PACS1: variants seen among roughly 807,000 people sequenced by gnomAD.
The protein encoded by PACS1 is PACS-1.
Under a neutral mutation model 115.0 loss-of-function variants are expected in PACS1, and 24 were observed. The ratio of observed to expected loss-of-function variants is 0.21; its 90% CI spans 0.15 to 0.29. The LOEUF (loss-of-function observed/expected upper bound fraction) is 0.29, where lower values mean the gene tolerates loss of function less well. Ranked by LOEUF, PACS1 falls within the 10% of genes least tolerant of loss-of-function variation. PACS1 has a pLI of 1.00. For missense variants in PACS1, 838 were observed against 1,251.2 expected, an observed-to-expected ratio of 0.67 and a Z score of 4.98; for synonymous variants, 453 against 504.5, an observed-to-expected ratio of 0.90 and a Z score of 1.37.
intron 1 of PACS1, among the ~76,000 whole-genome samples, chr11:66,156,744 C>T (rs1859371616): frequency 1.3e-5 from 2 of 151,780 alleles, no homozygotes; most frequent in Non-Finnish European, 2.9e-5. Flanking sequence ...ATCCCAGCTA[C>T]TCGGGAGGCT....
intron 1 of PACS1, among the ~76,000 whole-genome samples, chr11:66,185,764 G>T (rs1854349011): frequency 6.6e-6 from 1 of 152,110 alleles, no homozygotes; most frequent in African/African-American, 2.4e-5. Context: ...TGAGACCCAG[G>T]GTTTCCTGAT....
At chr11:66,214,753 C>T (rs1415369328) in intron 4 of PACS1, among the ~76,000 whole-genome samples, 2 of 151,524 alleles carry the variant, frequency 1.3e-5, no homozygotes, top group Admixed American at 6.6e-5. Context: ...TCCTGAGTAG[C>T]TGCAACTACA....
intron 1 of PACS1, among the ~76,000 whole-genome samples, chr11:66,093,429 A>C (rs1168138069): frequency 6.8e-6 from 1 of 146,674 alleles, no homozygotes; most frequent in Non-Finnish European, 1.5e-5. Flanking sequence ...TAAACCAACA[A>C]AGATCAAAAG....
chr11:66,187,229 G>A (rs892128282), intron 1 of PACS1, among the ~76,000 whole-genome samples: 5 of 152,000 alleles, frequency 3.3e-5, no homozygotes, highest in South Asian at 2.1e-4. Context: ...CATGGGGTAC[G>A]TAGAGATGTT....
chr11:66,133,220 G>C lies in PACS1; in HGVS notation c.357-60266G>C, dbSNP rs138528667. Among the ~76,000 whole-genome samples, 5 of 152,284 alleles carry C rather than the reference G, an allele frequency of 3.3e-5. No individual in the cohort carries two copies. In the East Asian group the frequency reaches 9.6e-4, roughly 29 times the overall value. ...AACCCGTGTCACCTGTCTTCGTATA[G>C]CCATTATTACTCTGCTTTGCAGAGT... is the stretch of plus-strand genomic sequence containing the variant. On this transcript the variant is annotated intron_variant, in intron 1 of 23. Coordinates refer to ENST00000320580, the MANE Select transcript of PACS1 (RefSeq NM_018026.4).
chr11:66,133,486 T>G (rs1858750709), intron 1 of PACS1, among the ~76,000 whole-genome samples: 1 of 152,170 alleles, frequency 6.6e-6, no homozygotes, highest in South Asian at 2.1e-4. Context: ...TGTCCGTGGT[T>G]TATAACCTGA....
intron 1 of PACS1, among the ~76,000 whole-genome samples, chr11:66,108,827 G>C (rs1320813996): frequency 2.0e-5 from 3 of 152,024 alleles, no homozygotes; most frequent in Non-Finnish European, 4.4e-5. Context: ...GAATGAGTTA[G>C]CTGGGTGTGC....
intron 1 of PACS1, among the ~76,000 whole-genome samples, chr11:66,155,958 G>GTA (rs1217272099): frequency 6.6e-6 from 1 of 151,916 alleles, no homozygotes; most frequent in African/African-American, 2.4e-5. Flanking sequence ...ACCCAGAGGT[G>GTA]TACATGCTGT....
intron 1 of PACS1, among the ~76,000 whole-genome samples, chr11:66,177,161 T>C (rs1038737306): frequency 5.3e-5 from 8 of 152,186 alleles, no homozygotes; most frequent in Non-Finnish European, 4.4e-5. Flanking sequence ...GGAAAGGATC[T>C]CCAGGTTTAA....
intron 17 of PACS1, 92 bp downstream of exon 17, chr11:66,234,334 C>T (rs567653608): frequency 6.2e-6 from 5 of 812,230 alleles, no homozygotes; most frequent in Admixed American, 5.3e-5. Flanking sequence ...TGCTGCTTTC[C>T]TCCCTGCAGC....
intron 1 of PACS1, among the ~76,000 whole-genome samples, chr11:66,157,564 T>A (rs1859388783): frequency 6.6e-6 from 1 of 152,098 alleles, no homozygotes. Context: ...AATATGTGTG[T>A]CAAAGTCTAA....
chr11:66,156,182 C>A (rs1859349006), intron 1 of PACS1, among the ~76,000 whole-genome samples: 2 of 130,240 alleles, frequency 1.5e-5, no homozygotes, highest in Non-Finnish European at 3.2e-5. Flanking sequence ...ATATCCTCCA[C>A]AAAGTTGTTT....
intron 10 of PACS1, among the ~76,000 whole-genome samples, chr11:66,225,060 T>C (rs1855444791): frequency 6.6e-6 from 1 of 152,224 alleles, no homozygotes; most frequent in South Asian, 2.1e-4. Context: ...GCCCTGACAG[T>C]GCGTCAGGGC....
chr11:66,177,977 A>G lies in PACS1; in HGVS notation c.357-15509A>G, dbSNP rs551546360. 5.8e-4 allele frequency among the ~76,000 whole-genome samples: 88 copies of G among 152,160 alleles called. 3 individuals carry two copies. Among genetic ancestry groups the G allele is most frequent in the African/African-American group, 2.1e-3 (85 of 41,420 alleles). The stretch of plus-strand genomic sequence containing the variant: ...AAAAATGTAGTGAATTAATGCATCC[A>G]GGTGTCTAGGTTCCATTTTTAATAT... On this transcript the variant is annotated intron_variant, in intron 1 of 23. Transcript: ENST00000320580.
rs1855564167 is a variant in PACS1 at position 66,230,372 on chromosome 11, G to C, written c.1375-176G>C. 3 of 607,714 alleles carry C rather than the reference G, an allele frequency of 4.9e-6. No homozygotes were observed. The Admixed American group carries it at 8.5e-5, about 17-fold the overall frequency. The allele number at this position is 607,714 out of a possible 1,614,324, so 37.6% of individuals were successfully genotyped here. ...ACACGGGGTGTACTCAGTCACCCGT[G>C]AACAGTGGCGATTTTCCTTCGGCTG... On this transcript the variant is annotated intron_variant, in intron 11 of 23. Transcript: ENST00000320580.
intron 1 of PACS1, among the ~76,000 whole-genome samples, chr11:66,137,070 T>C (rs1453505344): frequency 6.8e-6 from 1 of 147,062 alleles, no homozygotes; most frequent in African/African-American, 2.5e-5. Flanking sequence ...CTGTTTACAT[T>C]GGTGTTTGCC....
At chr11:66,167,689 G>A (rs976120515) in intron 1 of PACS1, among the ~76,000 whole-genome samples, 2 of 150,054 alleles carry the variant, frequency 1.3e-5, no homozygotes, top group African/African-American at 5.1e-5. Flanking sequence ...GCTACATGAA[G>A]ACTATTTTTA....
chr11:66,221,830 C>T (rs1855357306), intron 10 of PACS1, among the ~76,000 whole-genome samples: 1 of 152,050 alleles, frequency 6.6e-6, no homozygotes, highest in African/African-American at 2.4e-5. Context: ...ACAATCTCCC[C>T]CTCTGCTGGG....
chr11:66,145,191 A>G (rs1859090844), intron 1 of PACS1, among the ~76,000 whole-genome samples: 1 of 152,232 alleles, frequency 6.6e-6, no homozygotes, highest in Non-Finnish European at 1.5e-5. Context: ...GCATTTATCC[A>G]AGAGAAACTG....
Sources: allele counts gnomAD v4.1 joint callset (sites outside exome capture counted in the v4.1 genomes callset), GRCh38; gene constraint gnomAD v4.1.1; transcripts MANE v1.5; gene names NCBI Gene and HGNC (gene_info 2026-07-23, HGNC 2026-07-21).